Variants in ADAMTSL1 observed in about 807,000 individuals in gnomAD.
ADAMTSL1 encodes the protein ADAMTS-like protein 1.
Under a neutral mutation model 201.8 loss-of-function variants are expected in ADAMTSL1, and 126 were observed. The ratio of observed to expected loss-of-function variants is 0.62; its 90% CI spans 0.54 to 0.72. The LOEUF is 0.72. Ranked by LOEUF, ADAMTSL1 falls within the 30% of genes least tolerant of loss-of-function variation. The pLI is 0.00. For missense variants in ADAMTSL1, 2,679 were observed against 2,277.8 expected (o/e 1.18, Z -3.59); for synonymous variants, 1,121 against 903.4 (o/e 1.24, Z -4.32).
intron 23 of ADAMTSL1, among the ~76,000 whole-genome samples, chr9:18,858,755 CT>C (rs1563864499): frequency 6.6e-6 from 1 of 152,162 alleles, no homozygotes; most frequent in Non-Finnish European, 1.5e-5. Flanking sequence ...CAGGTCTTAC[CT>C]TTGTGACTTT....
At position 18,884,517 on chromosome 9, in the gene ADAMTSL1, G is replaced by A. The variant is rs141685867; in HGVS notation, c.4250-3314G>A. On this transcript the variant is annotated intron_variant, in intron 23 of 28. Coordinates refer to ENST00000380548, the MANE Select transcript of ADAMTSL1 (RefSeq NM_001040272.6). Reference sequence around the variant, plus strand: ...CAATGTCATTAAAGTTTTCCCCTGCGATTTTTTTTAAGAGTTTTATGCTTT... The same window carrying A: ...CAATGTCATTAAAGTTTTCCCCTGCAATTTTTTTTAAGAGTTTTATGCTTT... Among the ~76,000 whole-genome samples, 8 of 151,508 alleles carry A rather than the reference G, an allele frequency of 5.3e-5. No individual in the cohort carries two copies. In the South Asian group the frequency reaches 8.6e-4, roughly 16 times the overall value.
At chr9:18,565,519 C>G (rs544260685) in intron 3 of ADAMTSL1, among the ~76,000 whole-genome samples, 1 of 150,848 alleles carries the variant, frequency 6.6e-6, no homozygotes, top group Non-Finnish European at 1.5e-5. Flanking sequence ...TTAAACTATA[C>G]CTAGTATACA....
At chr9:18,417,367 G>GAAAAA (rs80226819) in intron 2 of ADAMTSL1, among the ~76,000 whole-genome samples, 4 of 64,674 alleles carry the variant, frequency 6.2e-5, no homozygotes, top group East Asian at 3.7e-4. Context: ...AAGTAAGCAG[G>GAAAAA]AAAAAAAAAA....
intron 2 of ADAMTSL1, among the ~76,000 whole-genome samples, chr9:18,222,901 T>C (rs571031959): frequency 6.6e-6 from 1 of 152,044 alleles, no homozygotes; most frequent in African/African-American, 2.4e-5. Flanking sequence ...TTATCTCTTA[T>C]GTGGCTATTG....
At chr9:18,133,938 C>T (rs1366413631) in intron 1 of ADAMTSL1, among the ~76,000 whole-genome samples, 2 of 152,048 alleles carry the variant, frequency 1.3e-5, no homozygotes, top group South Asian at 2.1e-4. Context: ...AACTTCTTAT[C>T]CATTAGTGTA....
intron 2 of ADAMTSL1, among the ~76,000 whole-genome samples, chr9:18,512,433 T>C (rs1818091546): frequency 6.6e-6 from 1 of 152,010 alleles, no homozygotes; most frequent in South Asian, 2.1e-4. Flanking sequence ...TGTCTTTTTC[T>C]GTTTATTAAA....
chr9:18,141,286 A>G (rs920318917), intron 1 of ADAMTSL1, among the ~76,000 whole-genome samples: 11 of 152,138 alleles, frequency 7.2e-5, no homozygotes, highest in African/African-American at 2.7e-4. Flanking sequence ...GTTCCTCATC[A>G]TGGACAGAAG....
intron 21 of ADAMTSL1, among the ~76,000 whole-genome samples, chr9:18,824,003 A>C (rs1055293284): frequency 6.6e-6 from 1 of 151,738 alleles, no homozygotes; most frequent in East Asian, 1.9e-4. Context: ...AAGAAAGAAA[A>C]GGAAGGAAGG....
intron 3 of ADAMTSL1, among the ~76,000 whole-genome samples, chr9:18,550,671 C>T (rs931541506): frequency 3.3e-5 from 5 of 151,868 alleles, no homozygotes; most frequent in African/African-American, 1.2e-4. Flanking sequence ...AGAAAAGGAC[C>T]CACTGAGCCA....
At chr9:18,854,635 A>C (rs1199061357) in intron 23 of ADAMTSL1, among the ~76,000 whole-genome samples, 8 of 152,164 alleles carry the variant, frequency 5.3e-5, no homozygotes, top group Admixed American at 5.2e-4. Context: ...GCAAGGTGCA[A>C]AGGAGGGAGG....
chr9:17,939,496 A>G (rs1294720380), intron 1 of ADAMTSL1, among the ~76,000 whole-genome samples: 3 of 152,088 alleles, frequency 2.0e-5, no homozygotes, highest in East Asian at 1.9e-4. Flanking sequence ...AATCTGTAAT[A>G]TTCTTTGAAA....
chr9:18,258,809 C>G (rs2132524291), intron 2 of ADAMTSL1, among the ~76,000 whole-genome samples: 1 of 152,316 alleles, frequency 6.6e-6, no homozygotes, highest in South Asian at 2.1e-4. Flanking sequence ...CATAACCACG[C>G]ATCTTCACTT....
In ADAMTSL1 at chr9:18,857,369, G is replaced by A. The variant is rs534722940; in HGVS notation, c.4249+27392G>A. On this transcript the variant is annotated intron_variant, in intron 23 of 28. Transcript: ENST00000380548. ...TCATGTCCCTTCTGTTTCTTCAAAC[G>A]AAAACAGTTCCTCGGGCTTCCCTCA... is the stretch of plus-strand genomic sequence containing the variant. Among the ~76,000 whole-genome samples, 6 of 152,240 alleles carry A rather than the reference G, an allele frequency of 3.9e-5. No homozygotes were observed. The East Asian group carries it at 9.7e-4, about 25-fold the overall frequency.
chr9:18,658,894 G>A (rs549092193), intron 8 of ADAMTSL1, among the ~76,000 whole-genome samples: 1 of 152,220 alleles, frequency 6.6e-6, no homozygotes, highest in South Asian at 2.1e-4. Context: ...AAATACTCAG[G>A]AGTGAGATTG....
rs182865341 is a variant in ADAMTSL1 at position 18,518,474 on chromosome 9, C to T, written c.191+13518C>T. On this transcript the variant is annotated intron_variant, in intron 2 of 28. Coordinates refer to ENST00000380548, the MANE Select transcript of ADAMTSL1 (RefSeq NM_001040272.6). ...GCTCCATCCATGTTGCCGTAAAGGA[C>T]ATGATTTCATTCTTTTTATGGCTAA... Among the ~76,000 whole-genome samples the T allele has an allele frequency of 5.3e-3, 810 of 152,312 alleles. 5 individuals are homozygous for T. The highest frequency in any genetic ancestry group is 0.019 in the African/African-American group (778 of 41,558).
intron 20 of ADAMTSL1, among the ~76,000 whole-genome samples, chr9:18,796,935 T>C (rs1296298497): frequency 6.6e-6 from 1 of 152,226 alleles, no homozygotes; most frequent in Non-Finnish European, 1.5e-5. Flanking sequence ...TTCTCTTGTT[T>C]ATATTAATCC....
intron 14 of ADAMTSL1, among the ~76,000 whole-genome samples, chr9:18,716,308 A>G (rs1484672695): frequency 9.9e-5 from 15 of 151,630 alleles, no homozygotes; most frequent in Non-Finnish European, 1.9e-4. Context: ...GCAACCTACA[A>G]AATGGGAGAA....
intron 2 of ADAMTSL1, among the ~76,000 whole-genome samples, chr9:18,290,307 G>A (rs1833199377): frequency 6.6e-6 from 1 of 150,564 alleles, no homozygotes; most frequent in Non-Finnish European, 1.5e-5. Context: ...AGTGCTGCAG[G>A]GGTGTGGAGA....
At chr9:18,456,378 C>CAT (rs966415575) in intron 2 of ADAMTSL1, among the ~76,000 whole-genome samples, 26 of 152,178 alleles carry the variant, frequency 1.7e-4, no homozygotes, top group African/African-American at 6.3e-4. Flanking sequence ...CACATTGCTG[C>CAT]ATACTTCCTC....
Sources: allele counts gnomAD v4.1 joint callset (sites outside exome capture counted in the v4.1 genomes callset), GRCh38; gene constraint gnomAD v4.1.1; transcripts MANE v1.5; gene names NCBI Gene and HGNC (gene_info 2026-07-23, HGNC 2026-07-21).